The following RARB variants were observed in gnomAD, a reference collection of about 807,000 sequenced individuals.
RARB encodes HBV-activated protein.
A neutral mutation model predicts 51.9 loss-of-function variants in RARB; 17 were observed. The observed-to-expected ratio is 0.33, with a 90% confidence interval of 0.22 to 0.49. RARB has a LOEUF of 0.49. RARB is among the 20% of genes least tolerant of loss of function. The pLI, the probability that RARB is intolerant of heterozygous loss-of-function variation, is 0.99. For synonymous variants in RARB, 215 were observed against 195.4 expected, an observed-to-expected ratio of 1.10 and a Z score of -0.84; for missense variants, 369 against 550.8, an observed-to-expected ratio of 0.67 and a Z score of 3.30.
chr3:25,575,456 T>C (rs951940702), intron 4 of RARB, among the ~76,000 whole-genome samples: 1 of 152,228 alleles, frequency 6.6e-6, no homozygotes, highest in Non-Finnish European at 1.5e-5. Flanking sequence ...CATTATTTGA[T>C]CGCATTTCTG....
chr3:25,228,773 G>A (rs1034925833), intron 5 of RARB, among the ~76,000 whole-genome samples: 1 of 152,052 alleles, frequency 6.6e-6, no homozygotes, highest in Non-Finnish European at 1.5e-5. Context: ...ACACATGCAG[G>A]AAGTAAGTTG....
chr3:25,530,631 C>T (rs1365053091), intron 3 of RARB, among the ~76,000 whole-genome samples: 2 of 152,196 alleles, frequency 1.3e-5, no homozygotes, highest in African/African-American at 4.8e-5. Context: ...CTTCAGGCTT[C>T]CTCTTCCACT....
At chr3:25,412,159 G>A (rs1208848556) in intron 5 of RARB, among the ~76,000 whole-genome samples, 1 of 152,186 alleles carries the variant, frequency 6.6e-6, no homozygotes, top group African/African-American at 2.4e-5. Flanking sequence ...TCATTTTGGG[G>A]ACTGGACAGC....
At chr3:25,035,485 CTG>C (rs1472163463) in intron 2 of RARB, among the ~76,000 whole-genome samples, 2 of 128,984 alleles carry the variant, frequency 1.6e-5, no homozygotes, top group Non-Finnish European at 3.1e-5. Context: ...GATAAAAAAA[CTG>C]AGATTAAAGA....
At chr3:25,410,389 T>C (rs1446363475) in intron 5 of RARB, among the ~76,000 whole-genome samples, 1 of 152,342 alleles carries the variant, frequency 6.6e-6, no homozygotes, top group African/African-American at 2.4e-5. Flanking sequence ...CCGTGTCCTT[T>C]AGTTCTCATC....
chr3:25,357,662 T>C (rs1183751668), intron 5 of RARB, among the ~76,000 whole-genome samples: 1 of 152,244 alleles, frequency 6.6e-6, no homozygotes, highest in African/African-American at 2.4e-5. Context: ...ATTTAAATCT[T>C]TAATCCATCT....
chr3:25,190,939 T>C (rs1464667821), intron 5 of RARB, among the ~76,000 whole-genome samples: 1 of 152,124 alleles, frequency 6.6e-6, no homozygotes, highest in African/African-American at 2.4e-5. Context: ...ATTAATTCCC[T>C]AAAGGCAACT....
At chr3:25,010,145 C>CAGA (rs34737431) in intron 2 of RARB, among the ~76,000 whole-genome samples, 50,272 of 151,552 alleles carry the variant, frequency 0.33, 10,446 homozygotes, top group African/African-American at 0.59. Context: ...ATACCGAGGC[C>CAGA]AGGACAGAGG....
intron 2 of RARB, among the ~76,000 whole-genome samples, chr3:24,898,391 A>G (rs1159165449): frequency 2.0e-5 from 3 of 151,182 alleles, no homozygotes; most frequent in Non-Finnish European, 4.4e-5. Flanking sequence ...ATAGGAATAA[A>G]TTATAGGAAT....
chr3:24,960,993 G>C (rs1324258515), intron 2 of RARB, among the ~76,000 whole-genome samples: 1 of 152,100 alleles, frequency 6.6e-6, no homozygotes, highest in Admixed American at 6.6e-5. Flanking sequence ...CAGGGGCCAG[G>C]AATTAACCTC....
intron 3 of RARB, among the ~76,000 whole-genome samples, chr3:25,065,036 G>C (rs986600422): frequency 1.3e-5 from 2 of 152,120 alleles, no homozygotes; most frequent in African/African-American, 4.8e-5. Flanking sequence ...GATCCTGATG[G>C]AGAAGGAAGT....
chr3:25,501,911 A>G (rs1697334331), intron 3 of RARB, among the ~76,000 whole-genome samples: 2 of 152,268 alleles, frequency 1.3e-5, no homozygotes, highest in South Asian at 4.1e-4. Flanking sequence ...CTACTGGTCC[A>G]TAAATATCTG....
At chr3:25,576,192 G>T (rs1218765941) in intron 4 of RARB, among the ~76,000 whole-genome samples, 1 of 152,190 alleles carries the variant, frequency 6.6e-6, no homozygotes, top group East Asian at 1.9e-4. Flanking sequence ...CTTCCTAGGG[G>T]CTTTGGGTGC....
intron 5 of RARB, among the ~76,000 whole-genome samples, chr3:25,182,189 A>G (rs947763497): frequency 6.6e-6 from 1 of 152,184 alleles, no homozygotes; most frequent in Non-Finnish European, 1.5e-5. Flanking sequence ...TTTGGAATGA[A>G]TGAGTGAATG....
rs183820292 is a variant in RARB, at chr3:25,404,690, G to T, written c.179-56503G>T. 3.3e-3 allele frequency among the ~76,000 whole-genome samples: 503 copies of T among 152,242 alleles called. 4 individuals are homozygous for T. Among genetic ancestry groups the T allele is most frequent in the African/African-American group, 0.012 (487 of 41,532 alleles). Reference sequence around the variant, plus strand: ...GGGGAAGAAAACGCCAACAAATTAGGCATGGCCTCGTATTTCAAGGGTTGC... The same window carrying T: ...GGGGAAGAAAACGCCAACAAATTAGTCATGGCCTCGTATTTCAAGGGTTGC... On this transcript the variant is annotated intron_variant, in intron 5 of 11. Transcript: ENST00000383772.
At chr3:25,170,597 T>C (rs913656562) in intron 4 of RARB, among the ~76,000 whole-genome samples, 2 of 152,222 alleles carry the variant, frequency 1.3e-5, no homozygotes, top group African/African-American at 4.8e-5. Flanking sequence ...AAAATAAATT[T>C]GAATTGTCGA....
intron 4 of RARB, among the ~76,000 whole-genome samples, chr3:25,172,911 A>G (rs1700671403): frequency 6.6e-6 from 1 of 152,208 alleles, no homozygotes; most frequent in Non-Finnish European, 1.5e-5. Context: ...AAAAAATAAC[A>G]TTGAAAGGAC....
At chr3:25,027,996 G>A (rs1241500878) in intron 2 of RARB, among the ~76,000 whole-genome samples, 1 of 151,980 alleles carries the variant, frequency 6.6e-6, no homozygotes, top group Non-Finnish European at 1.5e-5. Context: ...AAACCCTTCT[G>A]TAAATATGCC....
intron 5 of RARB, among the ~76,000 whole-genome samples, chr3:25,219,931 A>G (rs1165201223): frequency 1.3e-5 from 2 of 152,244 alleles, no homozygotes; most frequent in Non-Finnish European, 2.9e-5. Context: ...TGTGGCACAC[A>G]TACCTCATTT....
Sources: allele counts gnomAD v4.1 joint callset (sites outside exome capture counted in the v4.1 genomes callset), GRCh38; gene constraint gnomAD v4.1.1; transcripts MANE v1.5; gene names NCBI Gene and HGNC (gene_info 2026-07-23, HGNC 2026-07-21).